The following ZNF804A variants were observed in gnomAD, a reference collection of about 807,000 sequenced individuals.
ZNF804A encodes zinc finger protein 804A.
Under a neutral mutation model 16.5 loss-of-function variants are expected in ZNF804A, and 2 were observed. That is an observed-to-expected ratio of 0.12 (90% confidence interval 0.05 to 0.38). The LOEUF is 0.38. Ranked by LOEUF, ZNF804A falls within the 10% of genes least tolerant of loss-of-function variation. The probability of loss-of-function intolerance (pLI) is 0.99; values close to 1 mark genes in which losing one functional copy is unlikely to be tolerated. For missense variants in ZNF804A, 1,473 were observed against 1,390.7 expected (o/e 1.06, Z -0.94); for synonymous variants, 534 against 489.6 (o/e 1.09, Z -1.20).
intron 1 of ZNF804A, among the ~76,000 whole-genome samples, chr2:184,728,576 ACTGT>A (rs1693461395): frequency 6.6e-6 from 1 of 151,908 alleles, no homozygotes; most frequent in South Asian, 2.1e-4. Context: ...GGTCTGACAG[ACTGT>A]CTGAAGATGG....
Position 184,868,203 on chromosome 2 carries a change from A to G in ZNF804A, c.255+1691A>G, listed in dbSNP as rs193280455. Among the ~76,000 whole-genome samples the G allele has an allele frequency of 6.0e-3, 915 of 152,214 alleles. 9 individuals are homozygous for G. In the Middle Eastern group the frequency reaches 0.061, roughly 10 times the overall value. ...AATCAAAATACTCATAAACTCTGGT[A>G]GACAGCACAGTCCTAATTGATTAAT... On this transcript the variant is annotated intron_variant, in intron 2 of 3. Coordinates refer to ENST00000302277, the MANE Select transcript of ZNF804A (RefSeq NM_194250.2).
At chr2:184,640,351 TTTC>T (rs1691774702) in intron 1 of ZNF804A, among the ~76,000 whole-genome samples, 3 of 151,956 alleles carry the variant, frequency 2.0e-5, no homozygotes, top group South Asian at 4.1e-4. Flanking sequence ...TGACTTAGAG[TTTC>T]TTTTTTTTCA....
intron 2 of ZNF804A, among the ~76,000 whole-genome samples, chr2:184,882,056 C>T (rs907433760): frequency 4.6e-5 from 7 of 151,918 alleles, no homozygotes; most frequent in Admixed American, 2.0e-4. Context: ...ATCTCACGTG[C>T]ACTGACACAC....
intron 1 of ZNF804A, among the ~76,000 whole-genome samples, chr2:184,639,967 A>G (rs1334475555): frequency 6.6e-6 from 1 of 152,162 alleles, no homozygotes; most frequent in Non-Finnish European, 1.5e-5. Flanking sequence ...GCACCACTGC[A>G]CTCCAGCCTG....
At chr2:184,835,903 T>A (rs1335478018) in intron 1 of ZNF804A, among the ~76,000 whole-genome samples, 1 of 152,090 alleles carries the variant, frequency 6.6e-6, no homozygotes, top group Non-Finnish European at 1.5e-5. Context: ...TGGGAGTGTT[T>A]GTATGTCACA....
chr2:184,784,566 C>T (rs965768326), intron 1 of ZNF804A, among the ~76,000 whole-genome samples: 2 of 151,864 alleles, frequency 1.3e-5, no homozygotes, highest in African/African-American at 4.8e-5. Context: ...GTAAAAGTAT[C>T]CAGTGTCCCA....
intron 1 of ZNF804A, among the ~76,000 whole-genome samples, chr2:184,669,764 G>GCGCA (rs1553524881): frequency 3.1e-4 from 13 of 42,118 alleles, no homozygotes; most frequent in Admixed American, 9.8e-4. Flanking sequence ...ACACACACAC[G>GCGCA]CACACACACA....
Position 184,938,993 on chromosome 2 carries a change from C to A in ZNF804A, c.3597C>A (p.His1199Gln). ...TCTTTCCTTCACTGCTTTCCCCACA[C>A]CCTACTGTCATCCCTTTGCAACCTC... Reference protein sequence around the residue: ...HALFPSLLSPHPTVIPLQPLF With the variant: ...HALFPSLLSPQPTVIPLQPLF Residue 1199 changes from histidine (H) to glutamine (Q), a missense_variant, in exon 4 of 4, where the codon CAC becomes CAA. Transcript: ENST00000302277. The A allele has an allele frequency of 6.2e-7, 1 of 1,614,002 alleles. No homozygotes were observed. The highest frequency in any genetic ancestry group is 8.5e-7 in the Non-Finnish European group (1 of 1,179,934).
chr2:184,821,220 A>G (rs149580710), intron 1 of ZNF804A, among the ~76,000 whole-genome samples: 3,478 of 152,262 alleles, frequency 0.023, 49 homozygotes, highest in Middle Eastern at 0.044. Context: ...ACAGACACAT[A>G]GACCAATGGA....
At chr2:184,600,719 CA>C (rs1477735373) in intron 1 of ZNF804A, among the ~76,000 whole-genome samples, 2 of 152,048 alleles carry the variant, frequency 1.3e-5, no homozygotes, top group African/African-American at 4.8e-5. Context: ...AGTTATTTTC[CA>C]AACCTCAACT....
At chr2:184,631,176 A>G (rs2105686709) in intron 1 of ZNF804A, among the ~76,000 whole-genome samples, 1 of 152,240 alleles carries the variant, frequency 6.6e-6, no homozygotes, top group Non-Finnish European at 1.5e-5. Flanking sequence ...GTACATTTCT[A>G]GGTTTCTTTG....
intron 1 of ZNF804A, among the ~76,000 whole-genome samples, chr2:184,831,369 G>T: frequency 6.6e-6 from 1 of 151,796 alleles, no homozygotes; most frequent in African/African-American, 2.4e-5. Context: ...CTCTTTCTCT[G>T]AATGAAACTG....
chr2:184,928,495 G>T (rs372717212), intron 2 of ZNF804A, among the ~76,000 whole-genome samples: 111 of 152,220 alleles, frequency 7.3e-4, no homozygotes, highest in African/African-American at 2.6e-3. Context: ...AGTGGCATCA[G>T]CCCTCCCTTA....
At chr2:184,627,652 G>A (rs1238331612) in intron 1 of ZNF804A, among the ~76,000 whole-genome samples, 2 of 152,162 alleles carry the variant, frequency 1.3e-5, no homozygotes, top group Non-Finnish European at 2.9e-5. Context: ...TGTATGGTAA[G>A]CAGAAAATAT....
intron 1 of ZNF804A, among the ~76,000 whole-genome samples, chr2:184,760,886 T>C (rs898503878): frequency 1.3e-5 from 2 of 152,172 alleles, no homozygotes; most frequent in African/African-American, 4.8e-5. Context: ...TTTCTCTCCA[T>C]TTTCCAAACC....
intron 1 of ZNF804A, among the ~76,000 whole-genome samples, chr2:184,707,237 A>G (rs1693045415): frequency 6.6e-6 from 1 of 152,088 alleles, no homozygotes; most frequent in Admixed American, 6.6e-5. Context: ...TACATGGGTA[A>G]TTTTGGAGGG....
At chr2:184,890,863 A>G (rs1684969803) in intron 2 of ZNF804A, among the ~76,000 whole-genome samples, 1 of 150,884 alleles carries the variant, frequency 6.6e-6, no homozygotes, top group Non-Finnish European at 1.5e-5. Flanking sequence ...TAACATATAG[A>G]TTATTTACAC....
At chr2:184,693,929 CTTTTT>C (rs34131171) in intron 1 of ZNF804A, among the ~76,000 whole-genome samples, 2 of 121,210 alleles carry the variant, frequency 1.7e-5, no homozygotes, top group Admixed American at 8.7e-5. Context: ...CTAACTTAGT[CTTTTT>C]TTTTTTTTTT....
At chr2:184,762,099 T>C (rs577113570) in intron 1 of ZNF804A, among the ~76,000 whole-genome samples, 1 of 152,192 alleles carries the variant, frequency 6.6e-6, no homozygotes, top group African/African-American at 2.4e-5. Context: ...TCTTTTTTTT[T>C]CTCACATTGT....
Sources: allele counts gnomAD v4.1 joint callset (sites outside exome capture counted in the v4.1 genomes callset), GRCh38; gene constraint gnomAD v4.1.1; transcripts MANE v1.5; gene names NCBI Gene and HGNC (gene_info 2026-07-23, HGNC 2026-07-21).